Variants in ANK1 observed in about 807,000 individuals in gnomAD.
The protein encoded by ANK1 is ankyrin-1.
A neutral mutation model predicts 210.4 loss-of-function variants in ANK1; 51 were observed. The ratio of observed to expected loss-of-function variants is 0.24; its 90% confidence interval spans 0.19 to 0.31. The LOEUF (loss-of-function observed/expected upper bound fraction) is 0.31. Among genes scored for constraint, ANK1 ranks in the 10% least tolerant of loss-of-function variants. The probability of loss-of-function intolerance (pLI) is 1.00; values close to 1 mark genes in which losing one functional copy is unlikely to be tolerated. For synonymous variants in ANK1, 967 were observed against 1,025.9 expected, an observed-to-expected ratio of 0.94 and a Z score of 1.10; for missense variants, 2,051 against 2,504.4, an observed-to-expected ratio of 0.82 and a Z score of 3.86.
At chr8:41,891,726 G>A (rs1308917502) in intron 1 of ANK1, among the ~76,000 whole-genome samples, 2 of 152,158 alleles carry the variant, frequency 1.3e-5, no homozygotes, top group South Asian at 2.1e-4. Context: ...AGCCCCTGCC[G>A]GCGCCTCCCA....
At chr8:41,734,141 C>T (rs1025660238) in intron 2 of ANK1, 72 bp from the exon 3 acceptor site, 4 of 1,303,156 alleles carry the variant, frequency 3.1e-6, no homozygotes, top group Non-Finnish European at 4.4e-6. Flanking sequence ...AGTGGGGGCC[C>T]AGGCCCCTTC....
intron 26 of ANK1, among the ~76,000 whole-genome samples, chr8:41,695,701 C>T (rs1409227618): frequency 6.6e-6 from 1 of 152,262 alleles, no homozygotes; most frequent in East Asian, 1.9e-4. Flanking sequence ...TTCAGAGGGA[C>T]ACTTTGAGGA....
chr8:41,840,139 G>A (rs953408962), intron 1 of ANK1: 1 of 152,080 alleles, frequency 6.6e-6, no homozygotes, highest in African/African-American at 2.4e-5. Context: ...GATCAGCACA[G>A]GAGTTTTGAC....
At chr8:41,706,299 T>C in intron 17 of ANK1, 58 bp from the exon 18 acceptor site, 1 of 1,495,846 alleles carries the variant, frequency 6.7e-7, no homozygotes, top group African/African-American at 1.4e-5. Flanking sequence ...AGGCCACAAG[T>C]AAAGAGCTCT....
At chr8:41,714,386 C>T in intron 15 of ANK1, 132 bp from the exon 16 acceptor site, 1 of 678,794 alleles carries the variant, frequency 1.5e-6, no homozygotes, top group Non-Finnish European at 2.3e-6. Context: ...CCAGTCTTAA[C>T]TTGGAGTCAT....
intron 1 of ANK1, among the ~76,000 whole-genome samples, chr8:41,827,679 C>T (rs1349078779): frequency 8.8e-6 from 1 of 113,912 alleles, no homozygotes; most frequent in Non-Finnish European, 1.8e-5. Context: ...CACATCCCCT[C>T]ATATATACAC....
intron 1 of ANK1, among the ~76,000 whole-genome samples, chr8:41,850,072 C>T (rs1464728257): frequency 6.6e-6 from 1 of 152,180 alleles, no homozygotes; most frequent in Non-Finnish European, 1.5e-5. Context: ...TCCTCACCCT[C>T]CTGCCGGCAC....
chr8:41,883,956 G>A (rs1390315855), intron 1 of ANK1, among the ~76,000 whole-genome samples: 2 of 152,222 alleles, frequency 1.3e-5, no homozygotes, highest in Non-Finnish European at 2.9e-5. Flanking sequence ...GAGGGGCAGA[G>A]GCTCCAACAA....
intron 39 of ANK1, chr8:41,665,643 T>C (rs565442884): frequency 2.7e-4 from 65 of 238,492 alleles, no homozygotes; most frequent in Non-Finnish European, 4.6e-4. Context: ...GACCAGCTAA[T>C]ACCCTGGGTA....
intron 9 of ANK1, among the ~76,000 whole-genome samples, chr8:41,720,333 TTGAATGAATGAA>T (rs950705408): frequency 6.6e-5 from 10 of 152,168 alleles, no homozygotes; most frequent in Admixed American, 4.6e-4. Context: ...TTATGTGATT[TTGAATGAATGAA>T]TGAATGAATG....
chr8:41,688,837 C>T (rs377394715), intron 33 of ANK1, among the ~76,000 whole-genome samples: 73 of 152,324 alleles, frequency 4.8e-4, no homozygotes, highest in African/African-American at 1.7e-3. Flanking sequence ...CACCCCATCA[C>T]CTGTGAGGCC....
At chr8:41,758,809 G>T (rs982052129) in intron 1 of ANK1, among the ~76,000 whole-genome samples, 13 of 152,170 alleles carry the variant, frequency 8.5e-5, no homozygotes, top group African/African-American at 3.1e-4. Context: ...ATATCACAGA[G>T]GTCCCTGGCC....
chr8:41,869,167 C>T (rs1210340135), intron 1 of ANK1, among the ~76,000 whole-genome samples: 1 of 151,742 alleles, frequency 6.6e-6, no homozygotes. Flanking sequence ...GACGAATTGT[C>T]CCTAATCCCT....
chr8:41,755,433 C>T (rs1248536609), intron 2 of ANK1, among the ~76,000 whole-genome samples: 1 of 152,238 alleles, frequency 6.6e-6, no homozygotes. Context: ...AGAATCTTAA[C>T]CCTTGGAAGG....
intron 1 of ANK1, among the ~76,000 whole-genome samples, chr8:41,844,143 G>A (rs28605318): frequency 0.027 from 4,164 of 152,302 alleles, 152 homozygotes; most frequent in African/African-American, 0.081. Flanking sequence ...AAAGTGTTGG[G>A]ATTACAAGCG....
intron 1 of ANK1, among the ~76,000 whole-genome samples, chr8:41,853,818 T>C (rs906764986): frequency 1.3e-5 from 2 of 152,170 alleles, no homozygotes; most frequent in African/African-American, 4.8e-5. Flanking sequence ...TAGAGTTCAG[T>C]GGTGCGATCA....
Position 41,723,192 on chromosome 8 carries a change from C to A in ANK1, c.842G>T (p.Arg281Leu), listed in dbSNP as rs752903517. The change falls in exon 9 of 43, where the codon CGA becomes CTA. Residue 281 changes from arginine to leucine, a missense_variant. By Grantham distance (102) the Arg-to-Leu change is moderately radical. Around this residue, in one of 6 missense-constraint regions of ANK1, gnomAD observed 1,413 missense variants for 1,707.4 expected, o/e 0.83. Transcript: ENST00000289734. ...DELTPLHCAA[R>L]NGHVRISEIL... is the part of the protein sequence containing the mutation. ...CTCTGAGATTCGCACGTGCCCATTT[C>A]GAGCTGCACAGTGGAGAGGTGTCAA... is the stretch of plus-strand genomic sequence containing the variant. The A allele has an allele frequency of 1.2e-6, 2 of 1,614,124 alleles. No homozygotes were observed. The highest frequency in any genetic ancestry group is 1.7e-6 in the Non-Finnish European group (2 of 1,180,022).
Position 41,724,571 on chromosome 8 carries a change from G to C in ANK1, c.613-17C>G, listed in dbSNP as rs764924067. 1.3e-6 allele frequency: 2 copies of C among 1,569,086 alleles called. No individual in the cohort carries two copies. Among genetic ancestry groups the C allele is most frequent in the Admixed American group, 3.7e-5 (2 of 53,580 alleles). On this transcript the variant is annotated splice_polypyrimidine_tract_variant and intron_variant, in intron 6 of 42. Coordinates refer to ENST00000289734, the MANE Select transcript of ANK1 (RefSeq NM_000037.4). ...GAATCCCGTCTGGGGCACAACAGAG[G>C]GGGAGAAACTTGTTATATGTGATTT...
chr8:41,810,028 G>T (rs1802251878), intron 1 of ANK1, among the ~76,000 whole-genome samples: 1 of 152,188 alleles, frequency 6.6e-6, no homozygotes, highest in Admixed American at 6.5e-5. Flanking sequence ...GCAGTGGGGA[G>T]GGGGGACAGG....
Sources: gnomAD v4.1 joint callset for allele counts (sites outside exome capture counted in the v4.1 genomes callset) on GRCh38, gnomAD v4.1.1 for gene constraint, gnomAD v4.1.1 regional missense constraint, MANE v1.5 for transcripts, NCBI Gene and HGNC (gene_info 2026-07-23, HGNC 2026-07-21) for gene names.